Variants in LRP1B observed in about 807,000 individuals in gnomAD.
The protein encoded by LRP1B is low-density lipoprotein receptor-related protein 1B.
Under a neutral mutation model 556.6 loss-of-function variants are expected in LRP1B, and 217 were observed. That is an observed-to-expected ratio of 0.39 (90% CI 0.35 to 0.44). LRP1B has a LOEUF of 0.44. Ranked by LOEUF, LRP1B falls within the 20% of genes least tolerant of loss-of-function variation. LRP1B has a pLI of 1.00. For synonymous variants in LRP1B, 2,047 were observed against 1,865.8 expected (o/e 1.10, Z -2.50); for missense variants, 5,053 against 5,620.8 (o/e 0.90, Z 3.23).
At chr2:142,055,836 C>A (rs530029856) in intron 1 of LRP1B, among the ~76,000 whole-genome samples, 1 of 152,232 alleles carries the variant, frequency 6.6e-6, no homozygotes, top group South Asian at 2.1e-4. Context: ...TTCTGGTAGA[C>A]TATTTCTCTA....
At chr2:141,702,048 A>G (rs184740166) in intron 2 of LRP1B, among the ~76,000 whole-genome samples, 119 of 152,042 alleles carry the variant, frequency 7.8e-4, no homozygotes, top group African/African-American at 2.8e-3. Context: ...GGCAGGCACA[A>G]TCCCTGATGA....
intron 84 of LRP1B, among the ~76,000 whole-genome samples, chr2:140,284,310 A>ACCC (rs1683037013): frequency 9.1e-6 from 1 of 109,574 alleles, no homozygotes; most frequent in Admixed American, 1.0e-4. Context: ...CTCCCCCCCA[A>ACCC]AAAAAAACCG....
chr2:141,516,696 T>C (rs76451444), intron 2 of LRP1B, among the ~76,000 whole-genome samples: 16,245 of 114,138 alleles, frequency 0.14, 998 homozygotes, highest in African/African-American at 0.18. Flanking sequence ...CTCTCTCTTT[T>C]TTTTTTTTTT....
chr2:141,196,367 G>A (rs139569707), intron 6 of LRP1B, among the ~76,000 whole-genome samples: 1 of 152,050 alleles, frequency 6.6e-6, no homozygotes, highest in Admixed American at 6.6e-5. Flanking sequence ...ACGACTTTCT[G>A]CTATATAAGA....
At chr2:141,450,788 C>G (rs1681391232) in intron 3 of LRP1B, among the ~76,000 whole-genome samples, 1 of 151,986 alleles carries the variant, frequency 6.6e-6, no homozygotes, top group Non-Finnish European at 1.5e-5. Flanking sequence ...AGATAACTTT[C>G]AGTGCTAAAA....
In LRP1B at chr2:140,600,918, G is replaced by A. The variant is rs1481938942; in HGVS notation, c.6989+532C>T. 6.0e-5 allele frequency among the ~76,000 whole-genome samples: 9 copies of A among 150,694 alleles called. No individual in the cohort carries two copies. In the East Asian group the frequency reaches 1.8e-3, roughly 29 times the overall value. ...GAAATTTTTACAAGCATTATTTTAGGTGTCTGTACAATATATCATCAAACA... is the reference window on the plus strand; with the variant it reads ...GAAATTTTTACAAGCATTATTTTAGATGTCTGTACAATATATCATCAAACA... On this transcript the variant is annotated intron_variant, in intron 42 of 90. Coordinates refer to ENST00000389484, the MANE Select transcript of LRP1B (RefSeq NM_018557.3).
chr2:141,830,505 A>G (rs953293514), intron 1 of LRP1B, among the ~76,000 whole-genome samples: 1 of 151,916 alleles, frequency 6.6e-6, no homozygotes, highest in Non-Finnish European at 1.5e-5. Flanking sequence ...AAATACATAT[A>G]GAAATAAAGT....
chr2:140,432,561 T>G (rs1685998084), intron 66 of LRP1B, among the ~76,000 whole-genome samples: 1 of 152,224 alleles, frequency 6.6e-6, no homozygotes, highest in Admixed American at 6.5e-5. Context: ...TTTTGGAGAT[T>G]ACAAACACCA....
chr2:141,796,640 C>T (rs1695822657), intron 2 of LRP1B, among the ~76,000 whole-genome samples: 1 of 142,876 alleles, frequency 7.0e-6, no homozygotes. Flanking sequence ...AATGCAGAGT[C>T]ATCAATACTC....
intron 41 of LRP1B, among the ~76,000 whole-genome samples, chr2:140,640,769 TA>T (rs148544417): frequency 0.017 from 2,646 of 152,292 alleles, 42 homozygotes; most frequent in Admixed American, 0.047. Context: ...AGTCCCATAC[TA>T]TAATGTGTGC....
At chr2:141,618,065 T>C (rs567035314) in intron 2 of LRP1B, among the ~76,000 whole-genome samples, 43 of 152,162 alleles carry the variant, frequency 2.8e-4, no homozygotes, top group Non-Finnish European at 5.4e-4. Flanking sequence ...CCTGAGTGTT[T>C]GCTATATGTG....
intron 3 of LRP1B, among the ~76,000 whole-genome samples, chr2:141,375,754 C>T (rs1470139657): frequency 6.6e-6 from 1 of 152,192 alleles, no homozygotes; most frequent in Non-Finnish European, 1.5e-5. Flanking sequence ...AGGCAAACAG[C>T]ATAGGCAAGA....
intron 1 of LRP1B, among the ~76,000 whole-genome samples, chr2:141,905,268 G>A (rs1699722911): frequency 6.6e-6 from 1 of 151,842 alleles, no homozygotes; most frequent in African/African-American, 2.4e-5. Flanking sequence ...ATCTTCTTTA[G>A]CTGTAATGGT....
chr2:141,351,799 GAT>G (rs1688453063), intron 3 of LRP1B, among the ~76,000 whole-genome samples: 1 of 152,058 alleles, frequency 6.6e-6, no homozygotes, highest in African/African-American at 2.4e-5. Context: ...GGATAGGGAT[GAT>G]TAGAAGATGT....
chr2:141,744,263 C>T (rs190026463), intron 2 of LRP1B, among the ~76,000 whole-genome samples: 18 of 152,148 alleles, frequency 1.2e-4, no homozygotes, highest in Admixed American at 9.2e-4. Flanking sequence ...CAGGAGCATA[C>T]TGTTTAACTT....
chr2:140,886,436 T>C (rs1573843847), intron 23 of LRP1B, 101 bp from the exon 24 acceptor site: 2 of 659,562 alleles, frequency 3.0e-6, no homozygotes, highest in East Asian at 5.9e-5. Context: ...ATTTATTACA[T>C]AATTCTCTGT....
chr2:140,501,866 A>G lies in LRP1B; in HGVS notation c.8671T>C (p.Cys2891Arg), dbSNP rs765955726. The G allele has an allele frequency of 7.5e-6, 12 of 1,594,790 alleles. No individual in the cohort carries two copies. The Admixed American group carries it at 1.6e-4, about 21-fold the overall frequency. The change falls in exon 55 of 91, where the codon TGC becomes CGC. Residue 2891 changes from cysteine (C) to arginine (R), a missense_variant. This residue lies in a region of LRP1B where 3,619 missense variants were observed against 3,931.9 expected (regional missense o/e 0.92). Transcript: ENST00000389484. ...TTGCACATAAAAAATGAACTGTTGC[A>G]TGACTGTTCTGGAAAAAAAATAAAA... Reference protein sequence around the residue: ...NPKCKSAEQSCNSSFFMCKNG... With the variant: ...NPKCKSAEQSRNSSFFMCKNG...
chr2:141,205,954 T>C (rs530844440), intron 6 of LRP1B, among the ~76,000 whole-genome samples: 3 of 152,234 alleles, frequency 2.0e-5, no homozygotes, highest in African/African-American at 7.2e-5. Context: ...ATGAAATACT[T>C]GAGGAGTTTC....
intron 68 of LRP1B, 90 bp downstream of exon 68, chr2:140,378,090 G>C (rs1683312882): frequency 9.8e-6 from 8 of 818,132 alleles, no homozygotes; most frequent in Non-Finnish European, 1.6e-5. Context: ...TTTCTGAGCT[G>C]TCCTTGCCGC....
Sources: gnomAD v4.1 joint callset for allele counts (sites outside exome capture counted in the v4.1 genomes callset) on GRCh38, gnomAD v4.1.1 for gene constraint, gnomAD v4.1.1 regional missense constraint, MANE v1.5 for transcripts, NCBI Gene and HGNC (gene_info 2026-07-23, HGNC 2026-07-21) for gene names.